Variants in NRXN3 observed in about 807,000 individuals in gnomAD.
NRXN3 encodes neurexin 3, also known as neurexin III.
In NRXN3, 32 loss-of-function variants were observed where a neutral mutation model predicts 137.6. The ratio of observed to expected loss-of-function variants is 0.23; its 90% CI spans 0.18 to 0.31. NRXN3 has a LOEUF of 0.31. Ranked by LOEUF, NRXN3 falls within the 10% of genes least tolerant of loss-of-function variation. The pLI, the probability that NRXN3 is intolerant of heterozygous loss-of-function variation, is 1.00. For synonymous variants in NRXN3, 798 were observed against 784.5 expected (o/e 1.02, Z -0.29); for missense variants, 1,574 against 2,062.5 (o/e 0.76, Z 4.59).
intron 4 of NRXN3, among the ~76,000 whole-genome samples, chr14:78,345,243 G>A (rs2082588060): frequency 6.6e-6 from 1 of 152,140 alleles, no homozygotes; most frequent in Non-Finnish European, 1.5e-5. Context: ...CTTTTGCCAA[G>A]TAGTTCAGCT....
rs562414918 is a variant in NRXN3 at position 79,314,882 on chromosome 14, C to G, written c.3263-152339C>G. Among the ~76,000 whole-genome samples, 24 of 151,328 alleles carry G rather than the reference C, an allele frequency of 1.6e-4. No homozygotes were observed. In the South Asian group the frequency reaches 1.7e-3, roughly 11 times the overall value. On this transcript the variant is annotated intron_variant, in intron 15 of 20. Coordinates refer to ENST00000335750, the MANE Select transcript of NRXN3 (RefSeq NM_001330195.2). ...GTCTGTTAGAAGGAAAACTAACAACCAGAAAGGACATCTACACTGAAAACC... is the reference window on the plus strand; with the variant it reads ...GTCTGTTAGAAGGAAAACTAACAACGAGAAAGGACATCTACACTGAAAACC...
Position 79,137,730 on chromosome 14 carries a change from T to TA in NRXN3, c.3262+149595dup, listed in dbSNP as rs1251577809. Among the ~76,000 whole-genome samples the TA allele has an allele frequency of 2.0e-5, 3 of 152,318 alleles. No homozygotes were observed. The East Asian group carries it at 5.8e-4, about 29-fold the overall frequency. ...GACCTTTTACCAGGATATCATAGCT[T>TA]AAAAAATGACAGAGCTATTTAATTC... On this transcript the variant is annotated intron_variant, in intron 15 of 20. Transcript: ENST00000335750.
At chr14:78,365,242 A>G (rs2085746986) in intron 4 of NRXN3, among the ~76,000 whole-genome samples, 3 of 152,132 alleles carry the variant, frequency 2.0e-5, no homozygotes, top group South Asian at 4.2e-4. Context: ...TACACAAACA[A>G]TTTTTAACTG....
intron 4 of NRXN3, among the ~76,000 whole-genome samples, chr14:78,421,221 C>T (rs989848116): frequency 6.6e-6 from 1 of 150,472 alleles, no homozygotes; most frequent in African/African-American, 2.4e-5. Flanking sequence ...CGAGATTGTG[C>T]CATTGCACTC....
chr14:78,954,610 G>A (rs1393797944), intron 10 of NRXN3, among the ~76,000 whole-genome samples: 22 of 151,904 alleles, frequency 1.4e-4, no homozygotes, highest in Admixed American at 8.5e-4. Context: ...GACTACAGGC[G>A]CCTGCCACCA....
At chr14:79,702,961 C>G (rs146758514) in intron 19 of NRXN3, among the ~76,000 whole-genome samples, 1 of 150,922 alleles carries the variant, frequency 6.6e-6, no homozygotes, top group African/African-American at 2.4e-5. Context: ...CTGTGCAAAT[C>G]ACCATTTGGA....
intron 15 of NRXN3, among the ~76,000 whole-genome samples, chr14:79,165,481 G>A (rs953708432): frequency 6.6e-6 from 1 of 151,912 alleles, no homozygotes; most frequent in African/African-American, 2.4e-5. Context: ...ACTCTCATGC[G>A]ATTTTGTGTG....
Position 78,325,311 on chromosome 14 carries a change from C to T in NRXN3, c.757+27451C>T, listed in dbSNP as rs531420511. On this transcript the variant is annotated intron_variant, in intron 4 of 20. Transcript: ENST00000335750. ...GCCACAGTGTTGCATAGGACTATCC[C>T]TTCCTCTCTCTTCAGTGTGATAGGG... Among the ~76,000 whole-genome samples the T allele has an allele frequency of 9.5e-4, 144 of 151,956 alleles. 2 individuals carry two copies. Among genetic ancestry groups the T allele is most frequent in the African/African-American group, 3.3e-3 (135 of 41,314 alleles).
intron 4 of NRXN3, among the ~76,000 whole-genome samples, chr14:78,392,171 A>G (rs1262707331): frequency 2.0e-5 from 3 of 152,206 alleles, no homozygotes; most frequent in Non-Finnish European, 4.4e-5. Flanking sequence ...CTTAGAAGAA[A>G]ACTGGCTACA....
chr14:78,203,521 C>G (rs564991603), intron 1 of NRXN3, among the ~76,000 whole-genome samples: 9 of 151,964 alleles, frequency 5.9e-5, no homozygotes, highest in Admixed American at 1.3e-4. Context: ...TTTCTTCTGT[C>G]CCCTGAGGGG....
rs145856620 is a variant in NRXN3 at position 78,564,960 on chromosome 14, T to C, written c.758-80160T>C. Among the ~76,000 whole-genome samples, 182 of 152,312 alleles carry C rather than the reference T, an allele frequency of 1.2e-3. 1 individual carries two copies. The highest frequency in any genetic ancestry group is 4.2e-3 in the African/African-American group (176 of 41,574). On this transcript the variant is annotated intron_variant, in intron 4 of 20. Coordinates refer to ENST00000335750, the MANE Select transcript of NRXN3 (RefSeq NM_001330195.2). ...AGCGCACTCAGTGCCGTTCCCTCTC[T>C]GAATTTCTAAAGTGCTCAGCAGCAG...
chr14:78,397,494 G>T (rs2091588757), intron 4 of NRXN3, among the ~76,000 whole-genome samples: 1 of 149,226 alleles, frequency 6.7e-6, no homozygotes, highest in Non-Finnish European at 1.5e-5. Flanking sequence ...CAGTTATTCT[G>T]TTTTTTTTTC....
intron 4 of NRXN3, among the ~76,000 whole-genome samples, chr14:78,633,062 C>A (rs780200928): frequency 6.6e-6 from 1 of 151,212 alleles, no homozygotes; most frequent in Non-Finnish European, 1.5e-5. Flanking sequence ...GGTGAAACCC[C>A]ATCTCTACTA....
chr14:78,567,341 T>C (rs1482487335), intron 4 of NRXN3, among the ~76,000 whole-genome samples: 2 of 152,240 alleles, frequency 1.3e-5, no homozygotes, highest in African/African-American at 4.8e-5. Flanking sequence ...TCCCCAGAGC[T>C]GGCTGTGCCA....
intron 4 of NRXN3, among the ~76,000 whole-genome samples, chr14:78,467,582 T>C (rs915563389): frequency 1.3e-5 from 2 of 152,226 alleles, no homozygotes; most frequent in East Asian, 1.9e-4. Flanking sequence ...CTCCAACTTA[T>C]TGTTTATGCA....
chr14:78,425,557 C>T (rs995569232), intron 4 of NRXN3, among the ~76,000 whole-genome samples: 12 of 152,042 alleles, frequency 7.9e-5, no homozygotes, highest in Non-Finnish European at 1.5e-4. Context: ...CAGCAGGGGC[C>T]CCTCCCACCC....
At chr14:78,912,265 T>C (rs1428807390) in intron 10 of NRXN3, among the ~76,000 whole-genome samples, 2 of 150,908 alleles carry the variant, frequency 1.3e-5, no homozygotes, top group Non-Finnish European at 3.0e-5. Context: ...TCTATTCTTT[T>C]ATTAGCCACC....
chr14:79,796,823 C>T (rs185181433), intron 19 of NRXN3, among the ~76,000 whole-genome samples: 3 of 152,236 alleles, frequency 2.0e-5, no homozygotes, highest in East Asian at 1.9e-4. Flanking sequence ...GTGGGTGATA[C>T]GATTTGCTTG....
intron 15 of NRXN3, among the ~76,000 whole-genome samples, chr14:79,458,146 A>G (rs35039878): frequency 6.6e-6 from 1 of 152,144 alleles, no homozygotes; most frequent in Admixed American, 6.5e-5. Context: ...TCTGAGATGC[A>G]CTTATCTATT....
Sources: gnomAD v4.1 joint callset for allele counts (sites outside exome capture counted in the v4.1 genomes callset) on GRCh38, gnomAD v4.1.1 for gene constraint, MANE v1.5 for transcripts, NCBI Gene and HGNC (gene_info 2026-07-23, HGNC 2026-07-21) for gene names.